GALNT13: variants seen among roughly 807,000 people sequenced by gnomAD.
The protein encoded by GALNT13 is UDP-GalNAc:polypeptide N-acetylgalactosaminyltransferase 13.
A neutral mutation model predicts 64.2 loss-of-function variants in GALNT13; 28 were observed. That is an observed-to-expected ratio of 0.44 (90% confidence interval 0.32 to 0.60). The LOEUF (loss-of-function observed/expected upper bound fraction) is 0.60, where lower values mean the gene tolerates loss of function less well. GALNT13 is among the 20% of genes least tolerant of loss of function. The pLI is 0.05. For synonymous variants in GALNT13, 214 were observed against 224.6 expected, an observed-to-expected ratio of 0.95 and a Z score of 0.42; for missense variants, 577 against 669.8, an observed-to-expected ratio of 0.86 and a Z score of 1.53.
chr2:154,415,224 T>G (rs78741466), intron 11 of GALNT13, among the ~76,000 whole-genome samples: 3,799 of 152,138 alleles, frequency 0.025, 172 homozygotes, highest in African/African-American at 0.087. Context: ...ACATTTTACT[T>G]TGAAACTAAT....
the GALNT13 span, among the ~76,000 whole-genome samples, chr2:153,069,999 T>A: frequency 1.3e-5 from 2 of 152,196 alleles, no homozygotes; most frequent in East Asian, 3.8e-4. Context: ...TGAACAATTT[T>A]GTCAGCTAAG....
intron 9 of GALNT13, among the ~76,000 whole-genome samples, chr2:154,367,059 A>G (rs1697404702): frequency 6.6e-6 from 1 of 152,120 alleles, no homozygotes; most frequent in Non-Finnish European, 1.5e-5. Flanking sequence ...TTTTAGTTAA[A>G]TAAACTCCTT....
chr2:153,461,407 G>A, the GALNT13 span, among the ~76,000 whole-genome samples: 1 of 152,084 alleles, frequency 6.6e-6, no homozygotes, highest in East Asian at 1.9e-4. Context: ...AAGCAAGAAA[G>A]ATACTTAGAA....
chr2:153,430,989 A>G, the GALNT13 span, among the ~76,000 whole-genome samples: 1 of 151,894 alleles, frequency 6.6e-6, no homozygotes, highest in African/African-American at 2.4e-5. Context: ...GTCTCTACTA[A>G]TAATACAAAA....
the GALNT13 span, among the ~76,000 whole-genome samples, chr2:153,145,260 G>C: frequency 6.6e-6 from 1 of 151,752 alleles, no homozygotes; most frequent in Admixed American, 6.6e-5. Context: ...TTGGTCGTTA[G>C]AACAAAATAG....
the GALNT13 span, among the ~76,000 whole-genome samples, chr2:153,662,088 G>A: frequency 1.9e-4 from 29 of 152,224 alleles, 1 homozygote; most frequent in African/African-American, 6.3e-4. Flanking sequence ...GTTGACGTCC[G>A]ACATCTCTCA....
At chr2:153,380,942 T>C in the GALNT13 span, among the ~76,000 whole-genome samples, 1 of 152,108 alleles carries the variant, frequency 6.6e-6, no homozygotes, top group South Asian at 2.1e-4. Flanking sequence ...TGTTTCATTT[T>C]GTTTTTTTGT....
At chr2:153,105,298 A>C in the GALNT13 span, among the ~76,000 whole-genome samples, 2 of 152,008 alleles carry the variant, frequency 1.3e-5, no homozygotes, top group Admixed American at 6.6e-5. Context: ...TAGATGCAGA[A>C]AAGGCCTTTG....
chr2:153,648,951 C>T, the GALNT13 span, among the ~76,000 whole-genome samples: 6 of 152,172 alleles, frequency 3.9e-5, no homozygotes, highest in East Asian at 1.2e-3. Flanking sequence ...CTCTGCCAGG[C>T]TTTGGTATCA....
chr2:154,168,245 A>G (rs748531925), intron 4 of GALNT13, among the ~76,000 whole-genome samples: 2 of 152,284 alleles, frequency 1.3e-5, no homozygotes, highest in Non-Finnish European at 2.9e-5. Flanking sequence ...TGCAGAGTGT[A>G]TCGGCAGACT....
the GALNT13 span, among the ~76,000 whole-genome samples, chr2:153,163,964 G>T: frequency 1.3e-5 from 2 of 149,962 alleles, no homozygotes; most frequent in African/African-American, 4.9e-5. Context: ...CTTGCAGTGA[G>T]CCGAGATCGC....
chr2:153,597,964 C>A, the GALNT13 span, among the ~76,000 whole-genome samples: 1 of 151,958 alleles, frequency 6.6e-6, no homozygotes, highest in African/African-American at 2.4e-5. Flanking sequence ...AAAATTAGAA[C>A]CCTCATATAC....
the GALNT13 span, among the ~76,000 whole-genome samples, chr2:153,203,042 C>G: frequency 1.3e-5 from 2 of 152,182 alleles, no homozygotes; most frequent in East Asian, 3.9e-4. Flanking sequence ...TTCGGTGTCT[C>G]CTTGTTATGC....
the GALNT13 span, among the ~76,000 whole-genome samples, chr2:153,403,414 T>C: frequency 1.3e-5 from 2 of 152,154 alleles, no homozygotes; most frequent in East Asian, 1.9e-4. Context: ...AGGTGGAGCC[T>C]ACAGAGGCAG....
intron 9 of GALNT13, among the ~76,000 whole-genome samples, chr2:154,306,142 T>TTTATTA (rs70983715): frequency 0.058 from 8,825 of 151,270 alleles, 285 homozygotes; most frequent in Middle Eastern, 0.13. Context: ...ATAAATCTCT[T>TTTATTA]TTATTATTAT....
At chr2:154,253,824 A>G (rs1312700312) in intron 7 of GALNT13, among the ~76,000 whole-genome samples, 2 of 152,228 alleles carry the variant, frequency 1.3e-5, no homozygotes, top group African/African-American at 4.8e-5. Flanking sequence ...TTCTGTGGCT[A>G]TAGAGATACA....
intron 9 of GALNT13, among the ~76,000 whole-genome samples, chr2:154,370,120 T>C (rs1574178409): frequency 6.6e-6 from 1 of 152,072 alleles, no homozygotes; most frequent in Non-Finnish European, 1.5e-5. Flanking sequence ...TGGGGGTTAG[T>C]GTTTCAACAT....
chr2:154,172,359 T>A (rs78494727), intron 4 of GALNT13, among the ~76,000 whole-genome samples: 3,080 of 152,056 alleles, frequency 0.02, 51 homozygotes, highest in African/African-American at 0.039. Context: ...AACTATTATT[T>A]CCCTACTAAT....
At chr2:153,264,730 A>G in the GALNT13 span, among the ~76,000 whole-genome samples, 2 of 152,322 alleles carry the variant, frequency 1.3e-5, no homozygotes, top group South Asian at 2.1e-4. Flanking sequence ...GTACTCACTT[A>G]TAAGTGGTAG....
Sources: allele counts gnomAD v4.1 joint callset (sites outside exome capture counted in the v4.1 genomes callset), GRCh38; gene constraint gnomAD v4.1.1; transcripts MANE v1.5; gene names NCBI Gene and HGNC (gene_info 2026-07-23, HGNC 2026-07-21).